The following NTM variants were observed in gnomAD, a reference collection of about 807,000 sequenced individuals.
NTM encodes neurotrimin.
Under a neutral mutation model 42.1 loss-of-function variants are expected in NTM, and 13 were observed. The observed-to-expected ratio is 0.31, with a 90% CI of 0.20 to 0.49. The LOEUF (loss-of-function observed/expected upper bound fraction) is 0.49. Among genes scored for constraint, NTM ranks in the 20% least tolerant of loss-of-function variants. The pLI is 0.99. For missense variants in NTM, 373 were observed against 452.8 expected, an observed-to-expected ratio of 0.82 and a Z score of 1.60; for synonymous variants, 187 against 179.2, an observed-to-expected ratio of 1.04 and a Z score of -0.35.
chr11:132,299,429 C>A (rs1000031243), intron 4 of NTM, among the ~76,000 whole-genome samples: 1 of 151,994 alleles, frequency 6.6e-6, no homozygotes, highest in Non-Finnish European at 1.5e-5. Context: ...GTGGAGGAGC[C>A]CAGGAAGAAG....
intron 1 of NTM, among the ~76,000 whole-genome samples, chr11:131,677,070 A>G (rs893683436): frequency 6.6e-6 from 1 of 152,188 alleles, no homozygotes; most frequent in East Asian, 1.9e-4. Context: ...CAGCAGCTAG[A>G]TCTGCCTCTG....
chr11:131,471,251 A>T (rs191322067), intron 1 of NTM, among the ~76,000 whole-genome samples: 4 of 152,330 alleles, frequency 2.6e-5, no homozygotes, highest in Admixed American at 6.5e-5. Flanking sequence ...AACACAATGC[A>T]CAGTTCTGTT....
At chr11:131,621,678 T>G (rs913934198) in intron 1 of NTM, among the ~76,000 whole-genome samples, 7 of 149,680 alleles carry the variant, frequency 4.7e-5, no homozygotes, top group African/African-American at 1.7e-4. Context: ...TTTAATTAGC[T>G]GAGCATGGTG....
chr11:131,880,922 G>A (rs1238985405), intron 1 of NTM, among the ~76,000 whole-genome samples: 1 of 152,094 alleles, frequency 6.6e-6, no homozygotes, highest in Non-Finnish European at 1.5e-5. Context: ...ACATTTGGCA[G>A]GTAGGGAACA....
chr11:131,791,703 G>A (rs55854572), intron 1 of NTM, among the ~76,000 whole-genome samples: 7,766 of 152,274 alleles, frequency 0.051, 687 homozygotes, highest in African/African-American at 0.18. Flanking sequence ...TGTTTGATAA[G>A]TATCTGTCGG....
chr11:131,979,158 G>T (rs1212653287), intron 2 of NTM, among the ~76,000 whole-genome samples: 2 of 152,212 alleles, frequency 1.3e-5, no homozygotes, highest in Admixed American at 1.3e-4. Flanking sequence ...GCAGGGAGCA[G>T]TCATGTTCTA....
chr11:131,470,644 C>T (rs1952348773), intron 1 of NTM, among the ~76,000 whole-genome samples: 1 of 152,198 alleles, frequency 6.6e-6, no homozygotes, highest in Admixed American at 6.5e-5. Flanking sequence ...CCCCGAGTTA[C>T]TTCGAGGCTC....
chr11:131,774,559 C>A (rs185646612), intron 1 of NTM, among the ~76,000 whole-genome samples: 2 of 152,068 alleles, frequency 1.3e-5, no homozygotes, highest in Non-Finnish European at 2.9e-5. Flanking sequence ...TGATGGCATG[C>A]GGAATACATG....
At chr11:131,434,659 G>T (rs998228624) in intron 1 of NTM, among the ~76,000 whole-genome samples, 1 of 152,112 alleles carries the variant, frequency 6.6e-6, no homozygotes, top group Non-Finnish European at 1.5e-5. Context: ...TTGTAAATTT[G>T]TTTAAGTTCT....
At chr11:131,603,065 C>T (rs759736202) in intron 1 of NTM, among the ~76,000 whole-genome samples, 2 of 152,190 alleles carry the variant, frequency 1.3e-5, no homozygotes, top group Admixed American at 6.5e-5. Context: ...CATACAGCAG[C>T]AATTGTGATA....
chr11:131,557,000 C>T (rs756052475), intron 1 of NTM, among the ~76,000 whole-genome samples: 26 of 151,896 alleles, frequency 1.7e-4, no homozygotes, highest in Non-Finnish European at 3.1e-4. Flanking sequence ...TCTGTGCATG[C>T]GTGTGTGTTT....
chr11:131,976,143 C>CCTTCCTTA (rs2064333053), intron 2 of NTM, among the ~76,000 whole-genome samples: 2 of 141,820 alleles, frequency 1.4e-5, no homozygotes, highest in Non-Finnish European at 3.1e-5. Context: ...TTCCTTCCTT[C>CCTTCCTTA]CTTCCTTCCT....
rs1226048726 is a variant in NTM at position 132,335,734 on chromosome 11, T to C, written c.*588T>C. 6.6e-6 allele frequency: 1 copy of C among 152,494 alleles called. No individual in the cohort carries two copies. The highest frequency in any genetic ancestry group is 2.4e-5 in the African/African-American group (1 of 41,378). The allele number at this position is 152,494 out of a possible 1,614,324, so 9.4% of individuals were successfully genotyped here. A position where few individuals can be genotyped will look rare whatever the true frequency, so the allele number is the denominator to read the frequency against. On this transcript the variant is annotated 3_prime_UTR_variant, in exon 9 of 9. Transcript: ENST00000683400. ...TCACAAAAGATACCGTTAAACTTTT[T>C]TTTTTTTTTATCATTTTACTACATG...
At chr11:132,322,991 G>A (rs1196370524) in intron 7 of NTM, among the ~76,000 whole-genome samples, 1 of 137,406 alleles carries the variant, frequency 7.3e-6, no homozygotes, top group African/African-American at 2.8e-5. Flanking sequence ...TGAGAACAAA[G>A]ACACAACATA....
At chr11:132,086,574 C>T (rs2059743572) in intron 2 of NTM, among the ~76,000 whole-genome samples, 1 of 152,144 alleles carries the variant, frequency 6.6e-6, no homozygotes, top group African/African-American at 2.4e-5. Context: ...TTGAACTTTA[C>T]CAAACGTGAC....
Position 131,585,832 on chromosome 11 carries a change from G to A in NTM, c.82+214944G>A, listed in dbSNP as rs567688389. ...GTGTCCTTTCCTTTTTCCCACTGTG[G>A]CTCCAGGCCATGTTGATTTGCTAGT... On this transcript the variant is annotated intron_variant, in intron 1 of 8. Coordinates refer to ENST00000683400, the MANE Select transcript of NTM (RefSeq NM_001352005.2). Among the ~76,000 whole-genome samples, 15 of 152,138 alleles carry A rather than the reference G, an allele frequency of 9.9e-5. No individual in the cohort carries two copies. In the South Asian group the frequency reaches 3.1e-3, roughly 32 times the overall value.
At chr11:131,466,453 C>CAT (rs1201193032) in intron 1 of NTM, among the ~76,000 whole-genome samples, 1 of 152,196 alleles carries the variant, frequency 6.6e-6, no homozygotes, top group Non-Finnish European at 1.5e-5. Context: ...CACAAACTTG[C>CAT]ATAAGGCTTA....
At chr11:131,997,484 C>A (rs1372157030) in intron 2 of NTM, among the ~76,000 whole-genome samples, 1 of 152,154 alleles carries the variant, frequency 6.6e-6, no homozygotes, top group Non-Finnish European at 1.5e-5. Context: ...CCTCGATGGG[C>A]CTCAGCTAAG....
chr11:132,044,047 G>C (rs2077571577), intron 2 of NTM, among the ~76,000 whole-genome samples: 1 of 139,488 alleles, frequency 7.2e-6, no homozygotes, highest in Non-Finnish European at 1.6e-5. Flanking sequence ...TATGTGTATG[G>C]GTATGTGTGT....
Sources: gnomAD v4.1 joint callset for allele counts (sites outside exome capture counted in the v4.1 genomes callset) on GRCh38, gnomAD v4.1.1 for gene constraint, MANE v1.5 for transcripts, NCBI Gene and HGNC (gene_info 2026-07-23, HGNC 2026-07-21) for gene names.